The following NET1 variants were observed in gnomAD, a reference collection of about 807,000 sequenced individuals.
NET1 encodes neuroepithelial cell transforming 1, also known as neuroepithelial cell-transforming gene 1 protein.
In NET1, 42 loss-of-function variants were observed where a neutral mutation model predicts 61.1. The observed-to-expected ratio is 0.69, with a 90% CI of 0.54 to 0.89. The LOEUF (loss-of-function observed/expected upper bound fraction) is 0.89. Ranked by LOEUF, NET1 falls within the 40% of genes least tolerant of loss-of-function variation. The pLI, the probability that NET1 is intolerant of heterozygous loss-of-function variation, is 0.00. For synonymous variants in NET1, 254 were observed against 281.8 expected (o/e 0.90, Z 0.99); for missense variants, 654 against 747.3 (o/e 0.88, Z 1.46).
intron 3 of NET1, among the ~76,000 whole-genome samples, chr10:5,445,278 C>G (rs913189180): frequency 5.3e-5 from 8 of 152,102 alleles, no homozygotes; most frequent in Non-Finnish European, 1.2e-4. Flanking sequence ...ACATCTTAAA[C>G]CTCTTCCTGG....
rs1400599457 is a variant in NET1, at chr10:5,453,087, G to A, written c.595-163G>A. The A allele has an allele frequency of 4.2e-6, 3 of 708,276 alleles. No homozygotes were observed. The highest frequency in any genetic ancestry group is 2.5e-5 in the East Asian group (1 of 39,512). The allele number at this position is 708,276 out of a possible 1,614,324, so 43.9% of individuals were successfully genotyped here. ...GACACATCCTCAAATACAAGTATTA[G>A]TAAGAGAGTTTATTTGGGGATTAAT... On this transcript the variant is annotated intron_variant, in intron 6 of 11. Transcript: ENST00000355029. This position sits in a 1 kb window ranked among gnomAD's most constrained non-coding sequence, Gnocchi z 4.9.
intron 1 of NET1, among the ~76,000 whole-genome samples, chr10:5,413,980 G>A (rs954287860): frequency 7.2e-5 from 11 of 152,170 alleles, no homozygotes; most frequent in Non-Finnish European, 1.6e-4. Context: ...ACTTAATCCT[G>A]ACTGGAGAGA....
Position 5,444,406 on chromosome 10 carries a change from A to G in NET1, c.256-7424A>G, listed in dbSNP as rs1350499223. The stretch of plus-strand genomic sequence containing the variant: ...TACTTTTTATAGATTATTTGTCTTT[A>G]TAAATAGTCTGCACCCACTATTCTT... On this transcript the variant is annotated intron_variant, in intron 3 of 11. Transcript: ENST00000355029. The surrounding 1 kb of genome is among the most constrained non-coding windows in gnomAD (Gnocchi z 5.3). Among the ~76,000 whole-genome samples the G allele has an allele frequency of 1.3e-5, 2 of 152,206 alleles. No homozygotes were observed. Among genetic ancestry groups the G allele is most frequent in the Non-Finnish European group, 2.9e-5 (2 of 68,028 alleles).
At position 5,457,893 on chromosome 10, in the gene NET1, C is replaced by T. The variant is rs1343192351; in HGVS notation, c.*899C>T. 2.0e-5 allele frequency: 3 copies of T among 152,476 alleles called. No homozygotes were observed. The highest frequency in any genetic ancestry group is 7.2e-5 in the African/African-American group (3 of 41,398). 9.4% of individuals were successfully genotyped at this position (152,476 alleles called of 1,614,324 possible). On this transcript the variant is annotated 3_prime_UTR_variant, in exon 12 of 12. Transcript: ENST00000355029. This position sits in a 1 kb window ranked among gnomAD's most constrained non-coding sequence, Gnocchi z 5.4. ...CTAGACTACTGAAAGAAAACCACTTCAAAGATTTTGTTGAAAGTTTTAGTG... is the reference window on the plus strand; with the variant it reads ...CTAGACTACTGAAAGAAAACCACTTTAAAGATTTTGTTGAAAGTTTTAGTG...
rs1466017502 is a variant in NET1 at position 5,421,614 on chromosome 10, C to T, written c.129-5041C>T. Reference sequence around the variant, plus strand: ...CAGAAGCTTGTAAGGCCATGTGGTCCCAAATAAGTTGACTATGTTTTTAAA... The same window carrying T: ...CAGAAGCTTGTAAGGCCATGTGGTCTCAAATAAGTTGACTATGTTTTTAAA... On this transcript the variant is annotated intron_variant, in intron 1 of 11. Coordinates refer to ENST00000355029, the MANE Select transcript of NET1 (RefSeq NM_001047160.3). The surrounding 1 kb of genome is among the most constrained non-coding windows in gnomAD (Gnocchi z 4.2). 6.6e-6 allele frequency among the ~76,000 whole-genome samples: 1 copy of T among 152,044 alleles called. No individual in the cohort carries two copies. Among genetic ancestry groups the T allele is most frequent in the Admixed American group, 6.6e-5 (1 of 15,262 alleles).
rs1463727539 is a variant in NET1 at position 5,422,151 on chromosome 10, T to C, written c.129-4504T>C. ...TGAGGTCAGGAGTTCGAGACCAGCCTGGTCAACATGGCCTGTCTCTACTAA... is the reference window on the plus strand; with the variant it reads ...TGAGGTCAGGAGTTCGAGACCAGCCCGGTCAACATGGCCTGTCTCTACTAA... On this transcript the variant is annotated intron_variant, in intron 1 of 11. Transcript: ENST00000355029. The surrounding 1 kb of genome is among the most constrained non-coding windows in gnomAD (Gnocchi z 4.1). 6.6e-6 allele frequency among the ~76,000 whole-genome samples: 1 copy of C among 152,160 alleles called. No homozygotes were observed. The highest frequency in any genetic ancestry group is 1.9e-4 in the East Asian group (1 of 5,180).
rs564937116 is a variant in NET1 at position 5,421,206 on chromosome 10, A to G, written c.129-5449A>G. ...CTCTAAATCTCACTTCATAGTACCT[A>G]TGTCTAAGGTCCTGAAAATTGGACA... On this transcript the variant is annotated intron_variant, in intron 1 of 11. Transcript: ENST00000355029. The surrounding 1 kb of genome is among the most constrained non-coding windows in gnomAD (Gnocchi z 4.2). Among the ~76,000 whole-genome samples, 1 of 152,292 alleles carries G rather than the reference A, an allele frequency of 6.6e-6. No homozygotes were observed. The highest frequency in any genetic ancestry group is 6.5e-5 in the Admixed American group (1 of 15,296).
Position 5,454,286 on chromosome 10 carries a change from A to G in NET1, c.790A>G (p.Arg264Gly). 4 of 1,614,030 alleles carry G rather than the reference A, an allele frequency of 2.5e-6. No individual in the cohort carries two copies. The highest frequency in any genetic ancestry group is 3.4e-6 in the Non-Finnish European group (4 of 1,179,994). ...TCAGTTACCGCGCTTGAATGCCTAC[A>G]GAGGTTACTGTAGTAACCAGCTGGC... Reference protein sequence around the residue: ...VSWLPRLNAYRGYCSNQLAAK... With the variant: ...VSWLPRLNAYGGYCSNQLAAK... The change falls in exon 9 of 12, where the codon AGA becomes GGA. Residue 264 changes from arginine (R) to glycine (G), a missense_variant. Transcript: ENST00000355029. The surrounding 1 kb of genome is among the most constrained non-coding windows in gnomAD (Gnocchi z 8.1).
At position 5,417,776 on chromosome 10, in the gene NET1, C is replaced by T. The variant is rs6601965; in HGVS notation, c.128+4956C>T. Among the ~76,000 whole-genome samples the T allele has an allele frequency of 0.27, 41,001 of 152,030 alleles. 5,706 individuals are homozygous for T. Among genetic ancestry groups the T allele is most frequent in the Non-Finnish European group, 0.29 (19,394 of 67,964 alleles). On this transcript the variant is annotated intron_variant, in intron 1 of 11. Coordinates refer to ENST00000355029, the MANE Select transcript of NET1 (RefSeq NM_001047160.3). The surrounding 1 kb of genome is among the most constrained non-coding windows in gnomAD (Gnocchi z 5.5). ...TGATCTTAAGGGGAAAGCATACAAT[C>T]TTTCACCATTAAGTATGATGTTAGT...
rs1457722969 is a variant in NET1 at position 5,426,726 on chromosome 10, G to A, written c.195+5G>A. 1 of 1,590,712 alleles carries A rather than the reference G, an allele frequency of 6.3e-7. No homozygotes were observed. The highest frequency in any genetic ancestry group is 8.6e-7 in the Non-Finnish European group (1 of 1,169,462). On this transcript the variant is annotated splice_donor_5th_base_variant and intron_variant, in intron 2 of 11. Coordinates refer to ENST00000355029, the MANE Select transcript of NET1 (RefSeq NM_001047160.3). This position sits in a 1 kb window ranked among gnomAD's most constrained non-coding sequence, Gnocchi z 4.6. ...CCCAACTGGGACTTCACTTTGGTGA[G>A]TAGATACCTGGGTTTTTATTTCGAG...
chr10:5,446,764 G>C lies in NET1; in HGVS notation c.256-5066G>C, dbSNP rs758489775. The stretch of plus-strand genomic sequence containing the variant: ...AAAGGTTTGAGGGAGTACTTGGGAA[G>C]CATGGTGGCACATGATGAGACTGGA... On this transcript the variant is annotated intron_variant, in intron 3 of 11. Transcript: ENST00000355029. The surrounding 1 kb of genome is among the most constrained non-coding windows in gnomAD (Gnocchi z 5.0). 3.7e-6 allele frequency: 6 copies of C among 1,601,372 alleles called. No homozygotes were observed. The highest frequency in any genetic ancestry group is 5.1e-6 in the Non-Finnish European group (6 of 1,172,574).
intron 1 of NET1, among the ~76,000 whole-genome samples, chr10:5,425,751 C>T (rs1832249453): frequency 1.3e-5 from 2 of 152,150 alleles, no homozygotes; most frequent in Non-Finnish European, 2.9e-5. Flanking sequence ...AGATGACTCC[C>T]TTGTTGTAGC....
At position 5,457,134 on chromosome 10, in the gene NET1, T is replaced by G. The variant is rs979084293; in HGVS notation, c.*140T>G. On this transcript the variant is annotated 3_prime_UTR_variant, in exon 12 of 12. Coordinates refer to ENST00000355029, the MANE Select transcript of NET1 (RefSeq NM_001047160.3). The surrounding 1 kb of genome is among the most constrained non-coding windows in gnomAD (Gnocchi z 5.4). ...CATTGTTTTTGGTTGTTCTTTTTTCTTTTTTTAATGGCAGCTAAAGATATA... is the reference window on the plus strand; with the variant it reads ...CATTGTTTTTGGTTGTTCTTTTTTCGTTTTTTAATGGCAGCTAAAGATATA... 25 of 732,362 alleles carry G rather than the reference T, an allele frequency of 3.4e-5. No individual in the cohort carries two copies. Among genetic ancestry groups the G allele is most frequent in the Non-Finnish European group, 4.7e-5 (24 of 506,200 alleles). The allele number at this position is 732,362 out of a possible 1,614,324, so 45.4% of individuals were successfully genotyped here.
Position 5,437,681 on chromosome 10 carries a change from A to G in NET1, c.255+8452A>G, listed in dbSNP as rs150945435. 1.8e-3 allele frequency among the ~76,000 whole-genome samples: 274 copies of G among 151,008 alleles called. 1 individual carries two copies. Among genetic ancestry groups the G allele is most frequent in the African/African-American group, 6.4e-3 (263 of 41,140 alleles). ...ATTTTCCCTAGTATTTTTTTTTTTA[A>G]CCAACTATTGGGATAGATAACCTGA... On this transcript the variant is annotated intron_variant, in intron 3 of 11. Coordinates refer to ENST00000355029, the MANE Select transcript of NET1 (RefSeq NM_001047160.3). The surrounding 1 kb of genome is among the most constrained non-coding windows in gnomAD (Gnocchi z 4.3).
chr10:5,432,387 A>G (rs1832362319), intron 3 of NET1, among the ~76,000 whole-genome samples: 1 of 152,242 alleles, frequency 6.6e-6, no homozygotes, highest in Non-Finnish European at 1.5e-5. Flanking sequence ...CTACAGTTCA[A>G]AGACAACAGC....
chr10:5,430,937 T>A (rs1465335798), intron 3 of NET1, among the ~76,000 whole-genome samples: 3 of 150,060 alleles, frequency 2.0e-5, no homozygotes, highest in African/African-American at 7.4e-5. Context: ...AGTGGCGCGA[T>A]CTCTGCTCAC....
chr10:5,428,724 TG>T (rs1832300116), intron 2 of NET1, among the ~76,000 whole-genome samples: 1 of 136,894 alleles, frequency 7.3e-6, no homozygotes, highest in Non-Finnish European at 1.6e-5. Context: ...TAATTTTCTT[TG>T]TTTTTTTTTT....
Position 5,453,337 on chromosome 10 carries a change from C to G in NET1, c.682C>G (p.Leu228Val). Residue 228 changes from leucine to valine, a missense_variant, in exon 7 of 12, where the codon CTG (leucine) becomes GTG (valine). Leu to Val is a conservative substitution (Grantham distance 32). Transcript: ENST00000355029. This position sits in a 1 kb window ranked among gnomAD's most constrained non-coding sequence, Gnocchi z 4.9. ...TGGTGATCTGGACTCTTACATACCTCTGCATGAAGGTTAGATGTGCCACTT... is the reference window on the plus strand; with the variant it reads ...TGGTGATCTGGACTCTTACATACCTGTGCATGAAGGTTAGATGTGCCACTT... ...IFGDLDSYIP[L>V]HEDLLTRIGE... 6.2e-7 allele frequency: 1 copy of G among 1,608,040 alleles called. No individual in the cohort carries two copies. Among genetic ancestry groups the G allele is most frequent in the Non-Finnish European group, 8.5e-7 (1 of 1,174,468 alleles).
rs987065648 is a variant in NET1 at position 5,446,688 on chromosome 10, T to G, written c.256-5142T>G. On this transcript the variant is annotated intron_variant, in intron 3 of 11. Coordinates refer to ENST00000355029, the MANE Select transcript of NET1 (RefSeq NM_001047160.3). This position sits in a 1 kb window ranked among gnomAD's most constrained non-coding sequence, Gnocchi z 5.0. ...GCCGAGCTCTGGGAAGAAAAGCCCG[T>G]GTGCCTCTGCATAGCGTCGCTACAG... The G allele has an allele frequency of 2.2e-5, 31 of 1,393,204 alleles. No homozygotes were observed. The highest frequency in any genetic ancestry group is 2.9e-5 in the Non-Finnish European group (31 of 1,060,246). 86.3% of individuals were successfully genotyped at this position (1,393,204 alleles called of 1,614,324 possible). A position where few individuals can be genotyped will look rare whatever the true frequency, so the allele number is the denominator to read the frequency against.
Sources: gnomAD v4.1 joint callset for allele counts (sites outside exome capture counted in the v4.1 genomes callset) on GRCh38, gnomAD v4.1.1 for gene constraint, Gnocchi (gnomAD v3.1) non-coding constraint, MANE v1.5 for transcripts, NCBI Gene and HGNC (gene_info 2026-07-23, HGNC 2026-07-21) for gene names.